PIGL: variants seen among roughly 807,000 people sequenced by gnomAD.
The protein encoded by PIGL is phosphatidylinositol glycan anchor biosynthesis class L, also known as N-acetylglucosaminyl-phosphatidylinositol de-N-acetylase.
PIGL carries 22 observed loss-of-function variants against 31.1 expected under a neutral mutation model. That is an observed-to-expected ratio of 0.71 (90% CI 0.51 to 1.01). PIGL has a LOEUF of 1.01. Among genes scored for constraint, PIGL ranks in the 50% least tolerant of loss-of-function variants. The pLI is 0.00. For synonymous variants in PIGL, 131 were observed against 117.4 expected (o/e 1.12, Z -0.75); for missense variants, 302 against 315.9 (o/e 0.96, Z 0.33).
intron 6 of PIGL, among the ~76,000 whole-genome samples, chr17:16,320,655 G>A (rs2093101526): frequency 6.6e-6 from 1 of 152,132 alleles, no homozygotes; most frequent in East Asian, 1.9e-4. Flanking sequence ...TTTTCTTTGA[G>A]ATGAAGTCTT....
chr17:16,279,292 T>G (rs1454650461), intron 2 of PIGL, among the ~76,000 whole-genome samples: 1 of 152,170 alleles, frequency 6.6e-6, no homozygotes, highest in Non-Finnish European at 1.5e-5. Context: ...GAATGGCAAC[T>G]CCATAGGCAG....
chr17:16,274,179 T>C (rs1391171323), intron 2 of PIGL, among the ~76,000 whole-genome samples: 1 of 152,048 alleles, frequency 6.6e-6, no homozygotes, highest in African/African-American at 2.4e-5. Flanking sequence ...ACCAAGAAGA[T>C]AGTGTCAGGT....
intron 2 of PIGL, among the ~76,000 whole-genome samples, chr17:16,297,922 C>A (rs144510927): frequency 6.6e-6 from 1 of 152,150 alleles, no homozygotes; most frequent in Non-Finnish European, 1.5e-5. Flanking sequence ...AGGTGAGTGA[C>A]GGGCAAGCAA....
chr17:16,304,534 GATC>G (rs1174075718), intron 3 of PIGL, among the ~76,000 whole-genome samples: 2 of 152,034 alleles, frequency 1.3e-5, no homozygotes, highest in East Asian at 3.9e-4. Flanking sequence ...GAGGTGGGAG[GATC>G]ACTTGAGGCC....
intron 5 of PIGL, chr17:16,317,340 GTC>G: frequency 1.0e-6 from 1 of 965,500 alleles, no homozygotes; most frequent in Non-Finnish European, 1.2e-6. Flanking sequence ...AGACAGGCAG[GTC>G]TCACACTATC....
intron 1 of PIGL, among the ~76,000 whole-genome samples, chr17:16,226,204 C>T (rs1328499879): frequency 1.3e-5 from 2 of 151,936 alleles, no homozygotes; most frequent in Non-Finnish European, 2.9e-5. Context: ...TTCATGGTTT[C>T]AGACAAAGTA....
intron 4 of PIGL, among the ~76,000 whole-genome samples, chr17:16,315,567 G>C (rs2093071795): frequency 1.3e-5 from 2 of 152,036 alleles, no homozygotes; most frequent in African/African-American, 4.8e-5. Flanking sequence ...TCTACTTCCA[G>C]ACAGCGCCTC....
At chr17:16,298,897 G>A (rs960281870) in intron 2 of PIGL, among the ~76,000 whole-genome samples, 11 of 151,342 alleles carry the variant, frequency 7.3e-5, no homozygotes, top group African/African-American at 1.9e-4. Flanking sequence ...GTGTGGTGGC[G>A]GGTGCCTGTA....
At chr17:16,256,630 G>T (rs191868345) in intron 2 of PIGL, among the ~76,000 whole-genome samples, 2 of 152,096 alleles carry the variant, frequency 1.3e-5, no homozygotes, top group Admixed American at 1.3e-4. Context: ...GATTACAGGC[G>T]TGAGCCACCG....
intron 2 of PIGL, among the ~76,000 whole-genome samples, chr17:16,240,990 T>C (rs1425730941): frequency 1.3e-5 from 2 of 150,604 alleles, no homozygotes; most frequent in South Asian, 4.2e-4. Context: ...GGCACATCCC[T>C]GTAATCCCAG....
rs142665490 is a variant in PIGL at position 16,276,539 on chromosome 17, C to T, written c.336-23349C>T. Among the ~76,000 whole-genome samples the T allele has an allele frequency of 5.6e-3, 853 of 152,278 alleles. 13 individuals are homozygous for T. The highest frequency in any genetic ancestry group is 0.019 in the African/African-American group (787 of 41,566). On this transcript the variant is annotated intron_variant, in intron 2 of 6. Coordinates refer to ENST00000225609, the MANE Select transcript of PIGL (RefSeq NM_004278.4). ...CCTGAGGTCAAGAGTTTGAGACCAG[C>T]CTAGCCAACATGGCGAAACTCTGTC... is the stretch of plus-strand genomic sequence containing the variant.
intron 2 of PIGL, among the ~76,000 whole-genome samples, chr17:16,238,437 C>CTTTT (rs1168033433): frequency 7.8e-6 from 1 of 127,750 alleles, no homozygotes; most frequent in Non-Finnish European, 1.7e-5. Context: ...TTCTTTTTTT[C>CTTTT]TTTTTTTTTT....
intron 2 of PIGL, among the ~76,000 whole-genome samples, chr17:16,247,340 A>G (rs1044538490): frequency 1.3e-5 from 2 of 152,184 alleles, no homozygotes; most frequent in Non-Finnish European, 2.9e-5. Context: ...AACAGCCTCC[A>G]AAGTCTTAAC....
intron 4 of PIGL, among the ~76,000 whole-genome samples, chr17:16,314,206 A>G (rs1260584467): frequency 6.6e-6 from 1 of 152,214 alleles, no homozygotes; most frequent in Non-Finnish European, 1.5e-5. Flanking sequence ...ACAAACATAG[A>G]TGTGTTTCCT....
chr17:16,270,790 G>C (rs1431751005), intron 2 of PIGL, among the ~76,000 whole-genome samples: 2 of 151,762 alleles, frequency 1.3e-5, no homozygotes, highest in Non-Finnish European at 2.9e-5. Context: ...CCAGCTACTC[G>C]GGAGGCTGAG....
intron 2 of PIGL, among the ~76,000 whole-genome samples, chr17:16,288,007 T>C (rs575147113): frequency 6.6e-6 from 1 of 152,304 alleles, no homozygotes; most frequent in East Asian, 1.9e-4. Flanking sequence ...ACCTTCTTCT[T>C]GAGATGTAGC....
chr17:16,291,405 G>C (rs2092959685), intron 2 of PIGL, among the ~76,000 whole-genome samples: 1 of 151,412 alleles, frequency 6.6e-6, no homozygotes, highest in Non-Finnish European at 1.5e-5. Context: ...TACTCAGGAG[G>C]CTGAAGTAGG....
intron 4 of PIGL, among the ~76,000 whole-genome samples, chr17:16,315,011 G>A (rs918744609): frequency 6.6e-6 from 1 of 152,132 alleles, no homozygotes; most frequent in African/African-American, 2.4e-5. Flanking sequence ...CAAACAAAGA[G>A]TACCTCAACA....
rs544991901 is a variant in PIGL, at chr17:16,274,325, A to T, written c.336-25563A>T. ...CTGAGGCCAAGAAGAGGAAGGCAAG[A>T]GTTCTCTTGCGGATCTCAGCTAGAA... On this transcript the variant is annotated intron_variant, in intron 2 of 6. Transcript: ENST00000225609. 1.0e-3 allele frequency among the ~76,000 whole-genome samples: 157 copies of T among 152,332 alleles called. 2 individuals are homozygous for T. The highest frequency in any genetic ancestry group is 2.2e-4 in the Non-Finnish European group (15 of 68,032).
Sources: gnomAD v4.1 joint callset for allele counts (sites outside exome capture counted in the v4.1 genomes callset) on GRCh38, gnomAD v4.1.1 for gene constraint, MANE v1.5 for transcripts, NCBI Gene and HGNC (gene_info 2026-07-23, HGNC 2026-07-21) for gene names.